Variants in PFN2 observed in about 807,000 individuals in gnomAD.
PFN2 encodes the protein profilin-2.
A neutral mutation model predicts 15.3 loss-of-function variants in PFN2; 8 were observed. That is an observed-to-expected ratio of 0.52 (90% CI 0.31 to 0.95). PFN2 has a LOEUF of 0.95. PFN2 is among the 40% of genes least tolerant of loss of function. PFN2 has a pLI of 0.05. For missense variants in PFN2, 111 were observed against 182.3 expected (o/e 0.61, Z 2.25); for synonymous variants, 79 against 67.9 (o/e 1.16, Z -0.81).
chr3:149,968,321 T>C lies in PFN2; in HGVS notation c.325+37A>G, dbSNP rs184730312. The C allele has an allele frequency of 2.0e-5, 31 of 1,541,374 alleles. No homozygotes were observed. The African/African-American group carries it at 3.4e-4, about 17-fold the overall frequency. On this transcript the variant is annotated intron_variant, in intron 2 of 2. Transcript: ENST00000239940. ...AGAAACTGCTTAATAAGTTGTAATG[T>C]GGCATGCAACTTTAACCAAAAGAAT... is the stretch of plus-strand genomic sequence containing the variant.
chr3:149,965,716 G>GC lies in PFN2; in HGVS notation c.*772dup. ...ATGCCTATGTGCGAAGGGAGGGGGG[G>GC]CGGGAAAAAGAGAAGAGTGAAGGAA... On this transcript the variant is annotated 3_prime_UTR_variant, in exon 3 of 3. Coordinates refer to ENST00000239940, the MANE Select transcript of PFN2 (RefSeq NM_053024.4). 1 of 987,298 alleles carries GC rather than the reference G, an allele frequency of 1.0e-6. No homozygotes were observed. The highest frequency in any genetic ancestry group is 1.2e-6 in the Non-Finnish European group (1 of 829,074). The allele number at this position is 987,298 out of a possible 1,614,324, so 61.2% of individuals were successfully genotyped here.
intron 1 of PFN2, 116 bp from the exon 2 acceptor site, chr3:149,968,666 G>C (rs1012962904): frequency 2.6e-6 from 2 of 755,158 alleles, no homozygotes; most frequent in African/African-American, 3.5e-5. Flanking sequence ...ACCACTGCCA[G>C]ATAGCCACAT....
In PFN2 at chr3:149,968,546, A is replaced by G. The variant is rs553354172; in HGVS notation, c.137T>C (p.Ile46Thr). Residue 46 changes from isoleucine (I) to threonine (T), a missense_variant, in exon 2 of 3, where the codon ATA becomes ACA. Physicochemically the swap from Ile to Thr is moderately conservative, Grantham distance 89 (BLOSUM62 -1). This residue lies in a region of PFN2 where 64 missense variants were observed against 69.7 expected (regional missense o/e 0.92). Coordinates refer to ENST00000239940, the MANE Select transcript of PFN2 (RefSeq NM_053024.4). ...TTTTCCTACAATCATATCTATTTCT[A>G]TTGGCTGCCCCCCACCAAAAAGAAA... ...AGGVFQSITP[I>T]EIDMIVGKDR... The G allele has an allele frequency of 3.2e-6, 5 of 1,583,110 alleles. No individual in the cohort carries two copies. The highest frequency in any genetic ancestry group is 4.3e-6 in the Non-Finnish European group (5 of 1,169,590).
chr3:149,965,595 C>A lies in PFN2; in HGVS notation c.*894G>T. 1.7e-6 allele frequency: 2 copies of A among 1,145,606 alleles called. No individual in the cohort carries two copies. The highest frequency in any genetic ancestry group is 1.1e-6 in the Non-Finnish European group (1 of 932,726). 71.0% of individuals were successfully genotyped at this position (1,145,606 alleles called of 1,614,324 possible). A position where few individuals can be genotyped will look rare whatever the true frequency, so the allele number is the denominator to read the frequency against. On this transcript the variant is annotated 3_prime_UTR_variant, in exon 3 of 3. Transcript: ENST00000239940. ...TCAAGTGCAACAACAATACTAAAAGCAAACTACTGCAGCTCTCAATAGCTC... is the reference window on the plus strand; with the variant it reads ...TCAAGTGCAACAACAATACTAAAAGAAAACTACTGCAGCTCTCAATAGCTC...
Position 149,966,236 on chromosome 3 carries a change from A to T in PFN2, c.*253T>A, listed in dbSNP as rs1270459728. On this transcript the variant is annotated 3_prime_UTR_variant, in exon 3 of 3. Transcript: ENST00000239940. ...TCTTGTTAAGTGTGCCTCCGTGGACACCTTCCTTTCCCATGACTATAACCA... is the reference window on the plus strand; with the variant it reads ...TCTTGTTAAGTGTGCCTCCGTGGACTCCTTCCTTTCCCATGACTATAACCA... 6.2e-7 allele frequency: 1 copy of T among 1,613,328 alleles called. No homozygotes were observed. Among genetic ancestry groups the T allele is most frequent in the Non-Finnish European group, 8.5e-7 (1 of 1,179,642 alleles).
chr3:149,968,736 C>T (rs1007265685), intron 1 of PFN2, 186 bp from the exon 2 acceptor site: 5 of 559,496 alleles, frequency 8.9e-6, no homozygotes, highest in Middle Eastern at 4.5e-4. Context: ...CCTATATAAT[C>T]ACATATTTTA....
Position 149,968,567 on chromosome 3 carries a change from A to AT in PFN2, c.133-18_133-17insA. The AT allele has an allele frequency of 7.0e-7, 1 of 1,419,134 alleles. No individual in the cohort carries two copies. Among genetic ancestry groups the AT allele is most frequent in the Non-Finnish European group, 9.2e-7 (1 of 1,092,644 alleles). 87.9% of individuals were successfully genotyped at this position (1,419,134 alleles called of 1,614,324 possible). On this transcript the variant is annotated splice_polypyrimidine_tract_variant and intron_variant, in intron 1 of 2. Transcript: ENST00000239940. ...TTCTATTGGCTGCCCCCCACCAAAA[A>AT]GAAAAAAAAAAAACACACACACATT...
chr3:149,966,311 G>A lies in PFN2; in HGVS notation c.*178C>T, dbSNP rs776480347. The A allele has an allele frequency of 4.4e-6, 7 of 1,605,094 alleles. No individual in the cohort carries two copies. The highest frequency in any genetic ancestry group is 1.7e-4 in the Middle Eastern group (1 of 6,028). On this transcript the variant is annotated 3_prime_UTR_variant, in exon 3 of 3. Transcript: ENST00000239940. ...AACAAAAGTGAACAGAATTATTTTGGGGGGGGAGGGCAGAAAGAAAGACAC... is the reference window on the plus strand; with the variant it reads ...AACAAAAGTGAACAGAATTATTTTGAGGGGGGAGGGCAGAAAGAAAGACAC...
chr3:149,967,361 G>A (rs925788695), intron 2 of PFN2, among the ~76,000 whole-genome samples: 2 of 152,184 alleles, frequency 1.3e-5, no homozygotes, highest in African/African-American at 4.8e-5. Context: ...GTATAGTGCA[G>A]CTAAGGTTTA....
chr3:149,967,590 C>A (rs953493403), intron 2 of PFN2, among the ~76,000 whole-genome samples: 17 of 151,942 alleles, frequency 1.1e-4, no homozygotes, highest in African/African-American at 3.6e-4. Flanking sequence ...CAGAAGCACT[C>A]TCTATTTACA....
chr3:149,968,524 T>G lies in PFN2; in HGVS notation c.159A>C (p.Gly53=), dbSNP rs769060328. Reference sequence around the variant, plus strand: ...TGGTAAAGAAACCTTCCCGGTCTTTTCCTACAATCATATCTATTTCTATTG... The same window carrying G: ...TGGTAAAGAAACCTTCCCGGTCTTTGCCTACAATCATATCTATTTCTATTG... The part of the protein sequence containing the change: ...ITPIEIDMIV[G]KDREGFFTNG... The change falls in exon 2 of 3, where the codon GGA becomes GGC. Residue 53 remains glycine (G), a synonymous_variant. Transcript: ENST00000239940. 5 of 1,613,132 alleles carry G rather than the reference T, an allele frequency of 3.1e-6. No homozygotes were observed. Among genetic ancestry groups the G allele is most frequent in the Non-Finnish European group, 4.2e-6 (5 of 1,179,854 alleles).
At chr3:149,966,956 G>T (rs1459165820) in intron 2 of PFN2, among the ~76,000 whole-genome samples, 1 of 145,224 alleles carries the variant, frequency 6.9e-6, no homozygotes, top group Admixed American at 6.8e-5. Context: ...TAAACCTGGG[G>T]AGTTACTTAC....
At position 149,965,227 on chromosome 3, in the gene PFN2, A is replaced by T. The variant is rs1722651194; in HGVS notation, c.*1262T>A. On this transcript the variant is annotated 3_prime_UTR_variant, in exon 3 of 3. Transcript: ENST00000239940. Reference sequence around the variant, plus strand: ...ATGGCACAGAATACATATGAAAAAAATTCATCACAAGACAGCCAAGTCCAC... The same window carrying T: ...ATGGCACAGAATACATATGAAAAAATTTCATCACAAGACAGCCAAGTCCAC... The T allele has an allele frequency of 6.5e-7, 1 of 1,531,452 alleles. No individual in the cohort carries two copies. Among genetic ancestry groups the T allele is most frequent in the Non-Finnish European group, 8.7e-7 (1 of 1,145,392 alleles). 94.9% of individuals were successfully genotyped at this position (1,531,452 alleles called of 1,614,324 possible).
Position 149,970,614 on chromosome 3 carries a change from C to T in PFN2, c.132+111G>A, listed in dbSNP as rs1379292654. ...CGCATCCTCGGCGCCCGCTGCCTAG[C>T]ACACCTGCGGGCTCGGCCCTCAGTG... is the stretch of plus-strand genomic sequence containing the variant. On this transcript the variant is annotated intron_variant, in intron 1 of 2. Coordinates refer to ENST00000239940, the MANE Select transcript of PFN2 (RefSeq NM_053024.4). 5.3e-6 allele frequency: 6 copies of T among 1,135,244 alleles called. No homozygotes were observed. In the Admixed American group the frequency reaches 1.7e-4, roughly 32 times the overall value. 70.3% of individuals were successfully genotyped at this position (1,135,244 alleles called of 1,614,324 possible). A position where few individuals can be genotyped will look rare whatever the true frequency, so the allele number is the denominator to read the frequency against.
chr3:149,965,605 C>T lies in PFN2; in HGVS notation c.*884G>A, dbSNP rs1273332887. On this transcript the variant is annotated 3_prime_UTR_variant, in exon 3 of 3. Transcript: ENST00000239940. ...CAACAATACTAAAAGCAAACTACTG[C>T]AGCTCTCAATAGCTCATCAACAAAA... 8.7e-7 allele frequency: 1 copy of T among 1,145,102 alleles called. No homozygotes were observed. The highest frequency in any genetic ancestry group is 1.1e-6 in the Non-Finnish European group (1 of 932,586). 70.9% of individuals were successfully genotyped at this position (1,145,102 alleles called of 1,614,324 possible).
intron 1 of PFN2, among the ~76,000 whole-genome samples, chr3:149,969,824 A>T (rs1722797371): frequency 6.6e-6 from 1 of 152,184 alleles, no homozygotes; most frequent in South Asian, 2.1e-4. Context: ...AGTCTCAAGA[A>T]AATCAGGCAA....
In PFN2 at chr3:149,970,591, C is replaced by T. The variant is rs1038391782; in HGVS notation, c.132+134G>A. The T allele has an allele frequency of 9.0e-6, 8 of 888,880 alleles. No individual in the cohort carries two copies. In the East Asian group the frequency reaches 2.6e-4, roughly 29 times the overall value. 55.1% of individuals were successfully genotyped at this position (888,880 alleles called of 1,614,324 possible). A position where few individuals can be genotyped will look rare whatever the true frequency, so the allele number is the denominator to read the frequency against. ...GGCCTCCCCGCCCGCCCGGCAGCCG[C>T]ATCCTCGGCGCCCGCTGCCTAGCAC... On this transcript the variant is annotated intron_variant, in intron 1 of 2. Transcript: ENST00000239940.
rs766219659 is a variant in PFN2, at chr3:149,965,271, A to G, written c.*1218T>C. On this transcript the variant is annotated 3_prime_UTR_variant, in exon 3 of 3. Transcript: ENST00000239940. ...AGTCCACAATAATGCAACTTCATATAAAAACTCAAGCTGCAAATAAAAATT... is the reference window on the plus strand; with the variant it reads ...AGTCCACAATAATGCAACTTCATATGAAAACTCAAGCTGCAAATAAAAATT... 60 of 1,535,258 alleles carry G rather than the reference A, an allele frequency of 3.9e-5. No homozygotes were observed. The highest frequency in any genetic ancestry group is 5.0e-5 in the Non-Finnish European group (57 of 1,146,442).
chr3:149,966,694 C>T, intron 2 of PFN2, 108 bp from the exon 3 acceptor site: 1 of 811,720 alleles, frequency 1.2e-6, no homozygotes, highest in South Asian at 1.6e-5. Context: ...AGTTAGTTTT[C>T]CATGAACTGC....
Sources: allele counts gnomAD v4.1 joint callset (sites outside exome capture counted in the v4.1 genomes callset), GRCh38; gene constraint gnomAD v4.1.1; regional missense constraint gnomAD v4.1.1; transcripts MANE v1.5; gene names NCBI Gene and HGNC (gene_info 2026-07-23, HGNC 2026-07-21).